PTPRD: variants seen among roughly 807,000 people sequenced by gnomAD.
The protein encoded by PTPRD is protein tyrosine phosphatase receptor type D.
In PTPRD, 34 loss-of-function variants were observed where a neutral mutation model predicts 214.5. That is an observed-to-expected ratio of 0.16 (90% CI 0.12 to 0.21). PTPRD has a LOEUF of 0.21. PTPRD is among the 10% of genes least tolerant of loss of function. The pLI, the probability that PTPRD is intolerant of heterozygous loss-of-function variation, is 1.00. For missense variants in PTPRD, 2,545 were observed against 2,398.7 expected (o/e 1.06, Z -1.27); for synonymous variants, 1,128 against 845.7 (o/e 1.33, Z -5.79).
intron 7 of PTPRD, among the ~76,000 whole-genome samples, chr9:9,711,468 A>T (rs1479475750): frequency 2.6e-5 from 4 of 152,200 alleles, no homozygotes; most frequent in Admixed American, 2.6e-4. Context: ...TAACAAAAAC[A>T]GGCTAAAATA....
intron 3 of PTPRD, among the ~76,000 whole-genome samples, chr9:10,045,454 A>G (rs1163039823): frequency 6.6e-6 from 1 of 151,618 alleles, no homozygotes; most frequent in Non-Finnish European, 1.5e-5. Flanking sequence ...TTGATTATCA[A>G]GGATTGTTTA....
intron 10 of PTPRD, among the ~76,000 whole-genome samples, chr9:9,128,174 T>C (rs1367938384): frequency 2.0e-5 from 3 of 152,216 alleles, no homozygotes; most frequent in South Asian, 4.1e-4. Context: ...TGTGTGACCA[T>C]GATGCTTTGG....
intron 3 of PTPRD, among the ~76,000 whole-genome samples, chr9:10,135,042 C>A (rs1201325888): frequency 6.6e-6 from 1 of 152,104 alleles, no homozygotes; most frequent in Non-Finnish European, 1.5e-5. Context: ...AATTGAACTC[C>A]TGGAATTGAA....
rs869076374 is a variant in PTPRD at position 9,328,618 on chromosome 9, C to CTTTTTTTTTTTTTTTTTTTTTTTTTTTTT, written c.-203+68802_-203+68830dup. 3.9e-4 allele frequency among the ~76,000 whole-genome samples: 11 copies of CTTTTTTTTTTTTTTTTTTTTTTTTTTTTT among 28,230 alleles called. 4 individuals are homozygous for CTTTTTTTTTTTTTTTTTTTTTTTTTTTTT. Among genetic ancestry groups the CTTTTTTTTTTTTTTTTTTTTTTTTTTTTT allele is most frequent in the Non-Finnish European group, 5.2e-4 (8 of 15,454 alleles). The allele number at this position is 28,230 out of a possible 152,430, so 18.5% of individuals were successfully genotyped here. On this transcript the variant is annotated intron_variant, in intron 9 of 45. Coordinates refer to ENST00000381196, the MANE Select transcript of PTPRD (RefSeq NM_002839.4). The stretch of plus-strand genomic sequence containing the variant: ...ACATTTTCTTTTGTTGTTGTTCTTG[C>CTTTTTTTTTTTTTTTTTTTTTTTTTTTTT]TTTTTTTTTTTTTTTTTTTTTTTTT...
intron 12 of PTPRD, among the ~76,000 whole-genome samples, chr9:8,705,863 T>A (rs1299845689): frequency 2.0e-5 from 3 of 152,224 alleles, no homozygotes; most frequent in Non-Finnish European, 4.4e-5. Context: ...CATTTATATT[T>A]GTTAAGTGTA....
chr9:10,210,700 T>A (rs1315317572), intron 3 of PTPRD, among the ~76,000 whole-genome samples: 2 of 148,076 alleles, frequency 1.4e-5, no homozygotes, highest in African/African-American at 4.9e-5. Flanking sequence ...TCCATATACA[T>A]AATACAAGAA....
At chr9:9,875,892 G>A (rs984397013) in intron 5 of PTPRD, among the ~76,000 whole-genome samples, 3 of 152,104 alleles carry the variant, frequency 2.0e-5, no homozygotes, top group Non-Finnish European at 4.4e-5. Flanking sequence ...TGAATACAGG[G>A]TCCAAGATAA....
intron 2 of PTPRD, among the ~76,000 whole-genome samples, chr9:10,609,574 C>G (rs2080402034): frequency 6.6e-6 from 1 of 152,096 alleles, no homozygotes; most frequent in African/African-American, 2.4e-5. Context: ...TTTTCACTTA[C>G]TCTCCAGCAT....
intron 34 of PTPRD, among the ~76,000 whole-genome samples, chr9:8,447,327 A>G (rs2095770731): frequency 6.6e-6 from 1 of 152,082 alleles, no homozygotes; most frequent in South Asian, 2.1e-4. Context: ...CTTCCTTTAT[A>G]CTCAGGTCCC....
At chr9:8,651,842 G>A (rs1378844427) in intron 12 of PTPRD, among the ~76,000 whole-genome samples, 1 of 152,128 alleles carries the variant, frequency 6.6e-6, no homozygotes, top group East Asian at 1.9e-4. Flanking sequence ...AGAGAACTTG[G>A]ATAACACTTG....
chr9:9,311,589 G>C (rs989101556), intron 9 of PTPRD, among the ~76,000 whole-genome samples: 2 of 152,122 alleles, frequency 1.3e-5, no homozygotes, highest in African/African-American at 4.8e-5. Context: ...TGCTTAAGGA[G>C]AATTTAGAAG....
chr9:9,858,003 A>G (rs1286377900), intron 5 of PTPRD, among the ~76,000 whole-genome samples: 1 of 152,212 alleles, frequency 6.6e-6, no homozygotes, highest in Non-Finnish European at 1.5e-5. Flanking sequence ...ATCATGCTAT[A>G]ATGAACCATT....
intron 3 of PTPRD, among the ~76,000 whole-genome samples, chr9:10,111,440 GT>G (rs2098691280): frequency 6.6e-6 from 1 of 150,996 alleles, no homozygotes; most frequent in African/African-American, 2.4e-5. Context: ...GGGTTTCACC[GT>G]TTTAGCCGGG....
chr9:9,564,337 T>A (rs2083755715), intron 8 of PTPRD, among the ~76,000 whole-genome samples: 1 of 152,118 alleles, frequency 6.6e-6, no homozygotes, highest in Non-Finnish European at 1.5e-5. Flanking sequence ...TTTCATCAGT[T>A]GTGAGGAATG....
At chr9:8,779,963 A>T (rs2095630598) in intron 11 of PTPRD, among the ~76,000 whole-genome samples, 1 of 152,092 alleles carries the variant, frequency 6.6e-6, no homozygotes, top group Non-Finnish European at 1.5e-5. Context: ...ACTGTTACTA[A>T]CCATAATATT....
chr9:8,333,849 G>C (rs562115488), intron 43 of PTPRD, among the ~76,000 whole-genome samples: 1 of 149,358 alleles, frequency 6.7e-6, no homozygotes, highest in African/African-American at 2.5e-5. Flanking sequence ...CAAGCAAATG[G>C]AAGGCAAAAA....
At chr9:9,678,245 G>C (rs1446335274) in intron 7 of PTPRD, among the ~76,000 whole-genome samples, 1 of 152,048 alleles carries the variant, frequency 6.6e-6, no homozygotes, top group Non-Finnish European at 1.5e-5. Context: ...AACCAAAAAA[G>C]AGTCCACATT....
intron 11 of PTPRD, among the ~76,000 whole-genome samples, chr9:8,912,740 G>T (rs2098756928): frequency 6.6e-6 from 1 of 152,144 alleles, no homozygotes; most frequent in South Asian, 2.1e-4. Context: ...TCATTGTTTA[G>T]TTAAATAAAA....
intron 11 of PTPRD, among the ~76,000 whole-genome samples, chr9:9,003,747 G>C (rs565492812): frequency 2.0e-5 from 3 of 151,950 alleles, no homozygotes; most frequent in Non-Finnish European, 4.4e-5. Context: ...CTGTGTTTTC[G>C]AACTGGCCTG....
Sources: allele counts gnomAD v4.1 joint callset (sites outside exome capture counted in the v4.1 genomes callset), GRCh38; gene constraint gnomAD v4.1.1; transcripts MANE v1.5; gene names NCBI Gene and HGNC (gene_info 2026-07-23, HGNC 2026-07-21).